Variants in DHX32 observed in about 807,000 individuals in gnomAD.
DHX32 encodes putative pre-mRNA-splicing factor ATP-dependent RNA helicase DHX32.
A neutral mutation model predicts 70.0 loss-of-function variants in DHX32; 51 were observed. The observed-to-expected ratio is 0.73, with a 90% confidence interval of 0.58 to 0.92. The LOEUF is 0.92. DHX32 is among the 40% of genes least tolerant of loss of function. The pLI is 0.00. For synonymous variants in DHX32, 310 were observed against 315.3 expected, an observed-to-expected ratio of 0.98 and a Z score of 0.18; for missense variants, 762 against 891.8, an observed-to-expected ratio of 0.85 and a Z score of 1.85.
chr10:125,859,015 T>G (rs1944165743), intron 3 of DHX32, among the ~76,000 whole-genome samples: 1 of 151,152 alleles, frequency 6.6e-6, no homozygotes, highest in Admixed American at 6.6e-5. Flanking sequence ...GAAATCTGAG[T>G]TAAAGGTTTT....
chr10:125,855,886 A>G (rs1238866738), intron 3 of DHX32, among the ~76,000 whole-genome samples: 8 of 152,252 alleles, frequency 5.3e-5, no homozygotes, highest in Admixed American at 3.9e-4. Context: ...TCTTCGGTCT[A>G]ATGCTCTCTC....
intron 6 of DHX32, among the ~76,000 whole-genome samples, chr10:125,850,296 C>T (rs969402088): frequency 6.6e-6 from 1 of 151,364 alleles, no homozygotes; most frequent in Non-Finnish European, 1.5e-5. Context: ...TCTTTAATTC[C>T]TCTTTTCACC....
intron 6 of DHX32, among the ~76,000 whole-genome samples, chr10:125,851,336 T>TC (rs369429191): frequency 5.3e-4 from 80 of 152,284 alleles, no homozygotes; most frequent in African/African-American, 1.9e-3. Flanking sequence ...AACCCTTTTG[T>TC]CCCCCAGTTA....
At position 125,840,878 on chromosome 10, in the gene DHX32, G is replaced by T; in HGVS notation, c.1662C>A (p.Tyr554Ter). ...TGCTAGAATTCAGAGTTGTGTCTTG[G>T]TAAGCCTTGTAAATGCTGATGAGGG... is the stretch of plus-strand genomic sequence containing the variant. ...HFTLISIYKA[Y>*]QDTTLNSSSE... Residue 554 changes from tyrosine to a stop codon, truncating the protein, a stop_gained, in exon 8 of 11, where the codon TAC (tyrosine) becomes TAA (stop). Coordinates refer to ENST00000284690, the MANE Select transcript of DHX32 (RefSeq NM_018180.3). LOFTEE classifies it high-confidence loss of function. 1 of 1,604,850 alleles carries T rather than the reference G, an allele frequency of 6.2e-7. No individual in the cohort carries two copies. The highest frequency in any genetic ancestry group is 8.5e-7 in the Non-Finnish European group (1 of 1,173,786).
intron 1 of DHX32, 70 bp from the exon 2 acceptor site, chr10:125,867,253 A>G (rs1944226091): frequency 1.5e-6 from 2 of 1,321,632 alleles, no homozygotes; most frequent in African/African-American, 3.0e-5. Context: ...TCTGTCTTAC[A>G]GCAGGGTTCA....
chr10:125,857,643 G>A (rs901361906), intron 3 of DHX32, among the ~76,000 whole-genome samples: 1 of 152,160 alleles, frequency 6.6e-6, no homozygotes, highest in African/African-American at 2.4e-5. Context: ...AATGATGCAT[G>A]TTCTAAAGTT....
In DHX32 at chr10:125,852,544, T is replaced by C. The variant is rs1564826306; in HGVS notation, c.1191A>G (p.Ser397=). 4 of 1,613,320 alleles carry C rather than the reference T, an allele frequency of 2.5e-6. No homozygotes were observed. In the African/African-American group the frequency reaches 4.0e-5, roughly 16 times the overall value. ...IRKQILGSSS[S]GKFFCLYTEE... ...TAGTATTTGTGTCCACAGCACTACCTGAAGAAGATGAGCCAAGAATCTGCT... is the reference window on the plus strand; with the variant it reads ...TAGTATTTGTGTCCACAGCACTACCCGAAGAAGATGAGCCAAGAATCTGCT... Residue 397 remains serine (S), a splice_region_variant and synonymous_variant, in exon 5 of 11, where the codon TCA becomes TCG. Transcript: ENST00000284690.
intron 1 of DHX32, among the ~76,000 whole-genome samples, chr10:125,886,972 T>C (rs1382630342): frequency 4.6e-5 from 7 of 152,300 alleles, no homozygotes; most frequent in Non-Finnish European, 1.0e-4. Flanking sequence ...TACACTGTTA[T>C]TGGAGCTACA....
At chr10:125,842,076 A>G (rs1321474573) in intron 6 of DHX32, 142 bp from the exon 7 acceptor site, 9 of 1,075,802 alleles carry the variant, frequency 8.4e-6, no homozygotes, top group Non-Finnish European at 1.1e-5. Context: ...ACCAAATACC[A>G]GGGAGTGAAG....
At chr10:125,882,854 C>CTTAA (rs1215140835), upstream of DHX32, among the ~76,000 whole-genome samples, 2 of 152,166 alleles carry the variant, frequency 1.3e-5, no homozygotes, top group Non-Finnish European at 2.9e-5. Flanking sequence ...AAATTCCACT[C>CTTAA]TTCAGAGAAG....
intron 1 of DHX32, among the ~76,000 whole-genome samples, chr10:125,893,484 C>T (rs1448087873): frequency 6.6e-6 from 1 of 152,206 alleles, no homozygotes; most frequent in South Asian, 2.1e-4. Context: ...ACCTCGTGAT[C>T]CGCCTGCCTT....
intron 4 of DHX32, chr10:125,853,026 G>A: frequency 2.4e-6 from 2 of 847,994 alleles, no homozygotes; most frequent in East Asian, 5.1e-5. Context: ...AATCAACCAG[G>A]ATCTTGGTGG....
intron 1 of DHX32, among the ~76,000 whole-genome samples, chr10:125,875,571 C>A (rs1021706789): frequency 3.3e-5 from 5 of 152,230 alleles, no homozygotes; most frequent in African/African-American, 1.2e-4. Context: ...CTCAGACTTA[C>A]AGAAAGATTC....
intron 3 of DHX32, among the ~76,000 whole-genome samples, chr10:125,859,297 T>C (rs1944169823): frequency 6.6e-6 from 1 of 152,102 alleles, no homozygotes; most frequent in African/African-American, 2.4e-5. Flanking sequence ...AAGAGACAAT[T>C]CACAGCAAGC....
intron 1 of DHX32, among the ~76,000 whole-genome samples, chr10:125,877,449 G>A (rs902258132): frequency 2.0e-5 from 3 of 152,162 alleles, no homozygotes; most frequent in African/African-American, 4.8e-5. Context: ...CACTTTGGGA[G>A]GTGAAGGTGG....
chr10:125,861,188 G>C (rs865948789), intron 2 of DHX32, among the ~76,000 whole-genome samples: 1 of 152,058 alleles, frequency 6.6e-6, no homozygotes, highest in Non-Finnish European at 1.5e-5. Context: ...ACTTAGATTT[G>C]GGGAGGGTCC....
chr10:125,855,922 A>C (rs747395477), intron 3 of DHX32, among the ~76,000 whole-genome samples: 32 of 152,326 alleles, frequency 2.1e-4, no homozygotes, highest in Non-Finnish European at 3.5e-4. Context: ...CTGTCTTGTA[A>C]GTTGGTTCTA....
rs1564829517 is a variant in DHX32 at position 125,866,679 on chromosome 10, A to C, written c.476+311T>G. 6.6e-6 allele frequency among the ~76,000 whole-genome samples: 1 copy of C among 152,236 alleles called. No individual in the cohort carries two copies. The highest frequency in any genetic ancestry group is 1.9e-4 in the East Asian group (1 of 5,200). Reference sequence around the variant, plus strand: ...TGCTCCAGGTGTCCATGTGGCTTGCACACAGGCAATGATGTGGACCCTGCA... The same window carrying C: ...TGCTCCAGGTGTCCATGTGGCTTGCCCACAGGCAATGATGTGGACCCTGCA... On this transcript the variant is annotated intron_variant, in intron 2 of 10. Coordinates refer to ENST00000284690, the MANE Select transcript of DHX32 (RefSeq NM_018180.3). This position sits in a 1 kb window ranked among gnomAD's most constrained non-coding sequence, Gnocchi z 4.8.
At chr10:125,859,040 T>G (rs1328654948) in intron 3 of DHX32, among the ~76,000 whole-genome samples, 13 of 141,462 alleles carry the variant, frequency 9.2e-5, no homozygotes, top group South Asian at 2.3e-4. Context: ...TTTGTTTGTT[T>G]GTTTGTTTTT....
Sources: allele counts gnomAD v4.1 joint callset (sites outside exome capture counted in the v4.1 genomes callset), GRCh38; gene constraint gnomAD v4.1.1; non-coding constraint Gnocchi (gnomAD v3.1); transcripts MANE v1.5; gene names NCBI Gene and HGNC (gene_info 2026-07-23, HGNC 2026-07-21).